Variants in DDB1 observed in about 807,000 individuals in gnomAD.
DDB1 encodes damage specific DNA binding protein 1.
In DDB1, 18 loss-of-function variants were observed where a neutral mutation model predicts 133.1. The ratio of observed to expected loss-of-function variants is 0.14; its 90% CI spans 0.09 to 0.20. DDB1 has a LOEUF of 0.20. Ranked by LOEUF, DDB1 falls within the 10% of genes least tolerant of loss-of-function variation. The pLI, the probability that DDB1 is intolerant of heterozygous loss-of-function variation, is 1.00. For missense variants in DDB1, 828 were observed against 1,459.2 expected (o/e 0.57, Z 7.05); for synonymous variants, 580 against 550.5 (o/e 1.05, Z -0.75).
intron 10 of DDB1, among the ~76,000 whole-genome samples, chr11:61,319,701 A>G (rs1856146715): frequency 6.6e-6 from 1 of 152,158 alleles, no homozygotes; most frequent in Admixed American, 6.5e-5. Context: ...AAGTGCTGGG[A>G]TTACAGGCAT....
At chr11:61,304,719 A>C (rs75165300) in intron 21 of DDB1, among the ~76,000 whole-genome samples, 1 of 148,288 alleles carries the variant, frequency 6.7e-6, no homozygotes, top group South Asian at 2.1e-4. Flanking sequence ...CTAAAAATAC[A>C]AAAAAAAAAT....
intron 10 of DDB1, among the ~76,000 whole-genome samples, chr11:61,316,972 T>TATATATAC (rs2134918060): frequency 1.7e-5 from 1 of 58,108 alleles, no homozygotes; most frequent in East Asian, 5.5e-4. Context: ...TATATATATA[T>TATATATAC]ATATATATAT....
Position 61,300,234 on chromosome 11 carries a change from T to G in DDB1, c.3340-15A>C, listed in dbSNP as rs1855770502. 1 of 1,613,220 alleles carries G rather than the reference T, an allele frequency of 6.2e-7. No individual in the cohort carries two copies. ...CCATCGTCATACTGCAATGAGAAGATGGGCGGGGCTGTGAGGACCAAGAGG... is the reference window on the plus strand; with the variant it reads ...CCATCGTCATACTGCAATGAGAAGAGGGGCGGGGCTGTGAGGACCAAGAGG... On this transcript the variant is annotated splice_polypyrimidine_tract_variant and intron_variant, in intron 26 of 26. Transcript: ENST00000301764.
intron 16 of DDB1, among the ~76,000 whole-genome samples, chr11:61,313,118 A>G (rs1206638212): frequency 1.3e-5 from 2 of 152,174 alleles, no homozygotes; most frequent in African/African-American, 4.8e-5. Flanking sequence ...CAGCCAGAGA[A>G]TCTGCATTTC....
rs569143813 is a variant in DDB1 at position 61,304,099 on chromosome 11, A to G, written c.2662-64T>C. 43 of 1,580,610 alleles carry G rather than the reference A, an allele frequency of 2.7e-5. No individual in the cohort carries two copies. In the South Asian group the frequency reaches 3.0e-4, roughly 11 times the overall value. ...AGCTCTCTCAGAATGACTCCCCCCA[A>G]CTCTTCGACCCTTCATCTGCAGCAC... On this transcript the variant is annotated intron_variant, in intron 21 of 26. Transcript: ENST00000301764.
intron 16 of DDB1, 22 bp from the exon 17 acceptor site, chr11:61,312,106 T>C (rs777067561): frequency 1.4e-5 from 23 of 1,611,290 alleles, no homozygotes; most frequent in Non-Finnish European, 1.9e-5. Flanking sequence ...GGTCTGGGTT[T>C]AGACTGAGGA....
At chr11:61,302,852 G>A (rs1855823576) in intron 23 of DDB1, 101 bp from the exon 24 acceptor site, 21 of 1,482,806 alleles carry the variant, frequency 1.4e-5, no homozygotes, top group Non-Finnish European at 1.8e-5. Context: ...TTTCCCTGGG[G>A]AGCTGACATA....
At chr11:61,319,439 CTTT>C (rs367586506) in intron 10 of DDB1, among the ~76,000 whole-genome samples, 1 of 145,524 alleles carries the variant, frequency 6.9e-6, no homozygotes, top group South Asian at 2.2e-4. Context: ...CTTTTTTTTT[CTTT>C]TTTTTTTTGA....
At chr11:61,301,593 A>G (rs370189561) in intron 25 of DDB1, 1 of 152,396 alleles carries the variant, frequency 6.6e-6, no homozygotes, top group Admixed American at 6.5e-5. Context: ...AAAAAGAAGA[A>G]GAAGAAGAAT....
At chr11:61,327,737 G>A (rs528663988) in intron 4 of DDB1, among the ~76,000 whole-genome samples, 1 of 152,222 alleles carries the variant, frequency 6.6e-6, no homozygotes, top group South Asian at 2.1e-4. Context: ...TCACCTTTAA[G>A]ATGCTAAAAA....
Position 61,325,715 on chromosome 11 carries a change from G to C in DDB1, c.665-7C>G, listed in dbSNP as rs778712531. ...CCCCCAAAGGGCTCTGGGACTGCAG[G>C]AAAGACAGCAAAATTAGAATGCTCA... On this transcript the variant is annotated splice_polypyrimidine_tract_variant and splice_region_variant and intron_variant, in intron 5 of 26. Transcript: ENST00000301764. The C allele has an allele frequency of 6.2e-7, 1 of 1,609,292 alleles. No homozygotes were observed. Among genetic ancestry groups the C allele is most frequent in the Non-Finnish European group, 8.5e-7 (1 of 1,176,936 alleles).
chr11:61,327,212 G>GTGA (rs1175296872), intron 4 of DDB1, among the ~76,000 whole-genome samples: 2 of 152,236 alleles, frequency 1.3e-5, no homozygotes, highest in Non-Finnish European at 2.9e-5. Flanking sequence ...GCTCACGCCT[G>GTGA]TAATCCCAGA....
chr11:61,323,803 C>G, intron 7 of DDB1, 176 bp downstream of exon 7: 1 of 634,526 alleles, frequency 1.6e-6, no homozygotes, highest in Admixed American at 2.9e-5. Flanking sequence ...ATCACAGGAT[C>G]CTGTGAGATG....
At chr11:61,310,681 A>C in intron 18 of DDB1, 11 of 310,138 alleles carry the variant, frequency 3.5e-5, no homozygotes, top group East Asian at 1.2e-4. Flanking sequence ...AAAGGAACTC[A>C]GGTGACCTAA....
rs1590702297 is a variant in DDB1, at chr11:61,330,952, G to A, written c.210+591C>T. Among the ~76,000 whole-genome samples, 5 of 152,268 alleles carry A rather than the reference G, an allele frequency of 3.3e-5. No homozygotes were observed. In the South Asian group the frequency reaches 8.3e-4, roughly 25 times the overall value. ...GTTACAGGCGTGAGCCACCATGCCC[G>A]GCCTGGTAATTGTTAACATAACTGT... On this transcript the variant is annotated intron_variant, in intron 2 of 26. Coordinates refer to ENST00000301764, the MANE Select transcript of DDB1 (RefSeq NM_001923.5).
At chr11:61,304,861 G>A (rs1360234546) in intron 21 of DDB1, among the ~76,000 whole-genome samples, 2 of 148,210 alleles carry the variant, frequency 1.3e-5, no homozygotes, top group African/African-American at 5.0e-5. Flanking sequence ...CTGGGGGACA[G>A]AGTGAGACTC....
intron 8 of DDB1, 67 bp downstream of exon 8, chr11:61,322,944 T>C (rs978442372): frequency 1.5e-6 from 2 of 1,315,160 alleles, no homozygotes; most frequent in South Asian, 2.6e-5. Flanking sequence ...GTGCCAAACA[T>C]AGGAGAAATT....
Position 61,310,354 on chromosome 11 carries a change from G to C in DDB1, c.2342C>G (p.Ser781Cys), listed in dbSNP as rs1478827523. 6.2e-7 allele frequency: 1 copy of C among 1,613,088 alleles called. No homozygotes were observed. The highest frequency in any genetic ancestry group is 8.5e-7 in the Non-Finnish European group (1 of 1,179,828). The change falls in exon 19 of 27, where the codon TCC (serine) becomes TGC (cysteine). Residue 781 changes from serine (S) to cysteine (C), a missense_variant. Ser to Cys is a moderately radical substitution (Grantham distance 112, BLOSUM62 -1). Coordinates refer to ENST00000301764, the MANE Select transcript of DDB1 (RefSeq NM_001923.5). ...GTGCACCTCCACCTCTTCTCCAAAG[G>C]AGGTCTCATGAGGAGCAGTGCTGCT... ...FSSSTAPHETSFGEEVEVHNL... is the reference protein window; with the variant it reads ...FSSSTAPHETCFGEEVEVHNL...
Position 61,316,963 on chromosome 11 carries a change from AT to A in DDB1, c.1226-397del, listed in dbSNP as rs1856089430. On this transcript the variant is annotated intron_variant, in intron 10 of 26. Coordinates refer to ENST00000301764, the MANE Select transcript of DDB1 (RefSeq NM_001923.5). ...AAAGGATAGATATATATATATATAT[AT>A]ATATATATATATATATATATATATA... Among the ~76,000 whole-genome samples the A allele has an allele frequency of 6.0e-5, 2 of 33,168 alleles. 1 individual carries two copies. Among genetic ancestry groups the A allele is most frequent in the Non-Finnish European group, 1.8e-4 (2 of 11,200 alleles). The allele number at this position is 33,168 out of a possible 152,430, so 21.8% of individuals were successfully genotyped here. A position where few individuals can be genotyped will look rare whatever the true frequency, so the allele number is the denominator to read the frequency against.
Sources: gnomAD v4.1 joint callset for allele counts (sites outside exome capture counted in the v4.1 genomes callset) on GRCh38, gnomAD v4.1.1 for gene constraint, MANE v1.5 for transcripts, NCBI Gene and HGNC (gene_info 2026-07-23, HGNC 2026-07-21) for gene names.